The following RREB1 variants were observed in gnomAD, a reference collection of about 807,000 sequenced individuals.
RREB1 encodes the protein ras responsive element binding protein 1.
RREB1 carries 27 observed loss-of-function variants against 117.8 expected under a neutral mutation model. That is an observed-to-expected ratio of 0.23 (90% CI 0.17 to 0.32). The LOEUF (loss-of-function observed/expected upper bound fraction) is 0.32. Ranked by LOEUF, RREB1 falls within the 10% of genes least tolerant of loss-of-function variation. The pLI is 1.00. For synonymous variants in RREB1, 1,298 were observed against 1,026.7 expected (o/e 1.26, Z -5.05); for missense variants, 2,577 against 2,378.2 (o/e 1.08, Z -1.74).
intron 2 of RREB1, among the ~76,000 whole-genome samples, chr6:7,177,359 CTT>C (rs1173335344): frequency 6.9e-6 from 1 of 145,102 alleles, no homozygotes; most frequent in African/African-American, 2.5e-5. Flanking sequence ...ACATCTCTCT[CTT>C]TTTTTTTTTC....
intron 2 of RREB1, among the ~76,000 whole-genome samples, chr6:7,178,588 A>G (rs1321557483): frequency 6.6e-6 from 1 of 152,244 alleles, no homozygotes; most frequent in Non-Finnish European, 1.5e-5. Context: ...ATAAGAACAA[A>G]CTGAAGTACA....
At chr6:7,161,325 AC>A (rs1416182634) in intron 1 of RREB1, among the ~76,000 whole-genome samples, 1 of 152,148 alleles carries the variant, frequency 6.6e-6, no homozygotes, top group Non-Finnish European at 1.5e-5. Context: ...TTTGAGATCC[AC>A]TAACTCCCCT....
Position 7,231,143 on chromosome 6 carries a change from C to T in RREB1, c.3044C>T (p.Ala1015Val), listed in dbSNP as rs764165185. The change falls in exon 10 of 13, where the codon GCG becomes GTG. Residue 1015 changes from alanine (A) to valine (V), a missense_variant. By Grantham distance (64) the Ala-to-Val change is moderately conservative. Coordinates refer to ENST00000379938, the MANE Select transcript of RREB1 (RefSeq NM_001003699.4). ...AQPLQGPVQLAVPIYSSALVS... is the reference protein window; with the variant it reads ...AQPLQGPVQLVVPIYSSALVS... Reference sequence around the variant, plus strand: ...CCCCTGCAGGGCCCTGTTCAGCTGGCGGTCCCAATCTACTCCTCAGCCCTG... The same window carrying T: ...CCCCTGCAGGGCCCTGTTCAGCTGGTGGTCCCAATCTACTCCTCAGCCCTG... 52 of 1,612,234 alleles carry T rather than the reference C, an allele frequency of 3.2e-5. No individual in the cohort carries two copies. Among genetic ancestry groups the T allele is most frequent in the East Asian group, 6.7e-5 (3 of 44,872 alleles).
At chr6:7,193,859 A>T (rs1420915696) in intron 6 of RREB1, among the ~76,000 whole-genome samples, 10 of 152,220 alleles carry the variant, frequency 6.6e-5, no homozygotes, top group Non-Finnish European at 1.5e-4. Flanking sequence ...AGTTTTGAAT[A>T]TTGAAACATT....
intron 1 of RREB1, among the ~76,000 whole-genome samples, chr6:7,110,824 A>G (rs1373836578): frequency 6.6e-6 from 1 of 152,218 alleles, no homozygotes. Flanking sequence ...AATACTCTTA[A>G]GAAATGCTGC....
chr6:7,169,149 G>A (rs1286997332), intron 1 of RREB1, among the ~76,000 whole-genome samples: 1 of 152,218 alleles, frequency 6.6e-6, no homozygotes, highest in Non-Finnish European at 1.5e-5. Flanking sequence ...AAGGTGTGTT[G>A]TGGAGGCCTC....
chr6:7,130,677 C>T (rs1359951147), intron 1 of RREB1, among the ~76,000 whole-genome samples: 8 of 150,942 alleles, frequency 5.3e-5, no homozygotes, highest in East Asian at 1.9e-4. Flanking sequence ...AGTGCCATGG[C>T]GTGATCTTGG....
At chr6:7,199,552 C>T (rs565550122) in intron 6 of RREB1, among the ~76,000 whole-genome samples, 1 of 152,150 alleles carries the variant, frequency 6.6e-6, no homozygotes, top group East Asian at 1.9e-4. Context: ...TGTGCAAATC[C>T]TTATTATTTG....
intron 1 of RREB1, among the ~76,000 whole-genome samples, chr6:7,173,736 G>A (rs185470913): frequency 6.6e-6 from 1 of 151,598 alleles, no homozygotes; most frequent in Non-Finnish European, 1.5e-5. Flanking sequence ...CACAAGAATC[G>A]CCTGAACCAG....
At chr6:7,160,156 T>TGC (rs1763579380) in intron 1 of RREB1, among the ~76,000 whole-genome samples, 1 of 151,894 alleles carries the variant, frequency 6.6e-6, no homozygotes. Context: ...GTTTTCCCTC[T>TGC]GCCACCCAGG....
intron 1 of RREB1, among the ~76,000 whole-genome samples, chr6:7,131,145 C>T (rs2113353022): frequency 6.6e-6 from 1 of 151,610 alleles, no homozygotes; most frequent in Non-Finnish European, 1.5e-5. Flanking sequence ...TCACTGTGGT[C>T]TCGATCTCCT....
intron 7 of RREB1, among the ~76,000 whole-genome samples, 198 bp from the exon 8 acceptor site, chr6:7,211,375 G>GATGA (rs1474245057): frequency 3.3e-5 from 5 of 152,086 alleles, no homozygotes; most frequent in African/African-American, 1.2e-4. Flanking sequence ...TGGATGGATG[G>GATGA]ATGGATGGAT....
rs779786535 is a variant in RREB1, at chr6:7,229,156, C to G, written c.1057C>G (p.Leu353Val). Residue 353 changes from leucine (L) to valine (V), a missense_variant, in exon 10 of 13, where the codon CTG (leucine) becomes GTG (valine). By Grantham distance (32) the Leu-to-Val change is conservative. Transcript: ENST00000379938. The surrounding 1 kb of genome is among the most constrained non-coding windows in gnomAD (Gnocchi z 4.5). The stretch of plus-strand genomic sequence containing the variant: ...TCAAGAAAAGCCGCAGGCCACGCCC[C>G]TGCCTGGTGACGCCCTGGACCAGAA... ...QGQEKPQATP[L>V]PGDALDQKGF... The G allele has an allele frequency of 1.9e-6, 3 of 1,610,448 alleles. No homozygotes were observed. Among genetic ancestry groups the G allele is most frequent in the Non-Finnish European group, 2.5e-6 (3 of 1,177,328 alleles).
chr6:7,210,352 A>C (rs936134740), intron 6 of RREB1, among the ~76,000 whole-genome samples: 2 of 152,224 alleles, frequency 1.3e-5, no homozygotes, highest in Non-Finnish European at 2.9e-5. Context: ...AAAGCAGAAA[A>C]GAGAGATGTG....
In RREB1 at chr6:7,249,062, TGAGAGAGAGAGAGAGAGAGAGAGAGA is replaced by T. The variant is rs4053178; in HGVS notation, c.*111_*136del. Reference sequence around the variant, plus strand: ...TCAGTGCCCTTTGGCTGTTGAGGAGTGAGAGAGAGAGAGAGAGAGAGAGAGAGAGAGAGAGAGAGAGACAAGCAGGA... The same window carrying T: ...TCAGTGCCCTTTGGCTGTTGAGGAGTGAGAGAGAGAGAGAGACAAGCAGGA... On this transcript the variant is annotated 3_prime_UTR_variant, in exon 13 of 13. Transcript: ENST00000379938. The T allele has an allele frequency of 2.3e-5, 13 of 568,234 alleles. No individual in the cohort carries two copies. In the African/African-American group the frequency reaches 2.4e-4, roughly 11 times the overall value. 35.2% of individuals were successfully genotyped at this position (568,234 alleles called of 1,614,324 possible). A position where few individuals can be genotyped will look rare whatever the true frequency, so the allele number is the denominator to read the frequency against.
intron 10 of RREB1, among the ~76,000 whole-genome samples, chr6:7,233,891 A>T (rs1768146251): frequency 6.6e-6 from 1 of 152,148 alleles, no homozygotes; most frequent in Non-Finnish European, 1.5e-5. Flanking sequence ...GAGGGAGAGG[A>T]ATCTGGGAGC....
At chr6:7,172,336 A>G (rs1764253302) in intron 1 of RREB1, among the ~76,000 whole-genome samples, 1 of 152,158 alleles carries the variant, frequency 6.6e-6, no homozygotes, top group East Asian at 1.9e-4. Flanking sequence ...TTGGGTCCCA[A>G]GTTTGCTGCC....
chr6:7,209,779 G>A lies in RREB1; in HGVS notation c.426-1025G>A, dbSNP rs563224785. Among the ~76,000 whole-genome samples, 27 of 152,092 alleles carry A rather than the reference G, an allele frequency of 1.8e-4. No individual in the cohort carries two copies. In the South Asian group the frequency reaches 5.6e-3, roughly 32 times the overall value. On this transcript the variant is annotated intron_variant, in intron 6 of 12. Coordinates refer to ENST00000379938, the MANE Select transcript of RREB1 (RefSeq NM_001003699.4). Reference sequence around the variant, plus strand: ...AGAGAGCAGAACTTCTTTTCAGAAGGTTGACAGGATAGCTCATGAAAATTT... The same window carrying A: ...AGAGAGCAGAACTTCTTTTCAGAAGATTGACAGGATAGCTCATGAAAATTT...
intron 12 of RREB1, among the ~76,000 whole-genome samples, chr6:7,248,253 G>T (rs1387722020): frequency 1.3e-5 from 2 of 152,240 alleles, no homozygotes; most frequent in African/African-American, 4.8e-5. Flanking sequence ...TCTGGGACCT[G>T]GGTTTTCTGG....
Sources: allele counts gnomAD v4.1 joint callset (sites outside exome capture counted in the v4.1 genomes callset), GRCh38; gene constraint gnomAD v4.1.1; non-coding constraint Gnocchi (gnomAD v3.1); transcripts MANE v1.5; gene names NCBI Gene and HGNC (gene_info 2026-07-23, HGNC 2026-07-21).